Variants in NSL1 observed in about 807,000 individuals in gnomAD.
The protein encoded by NSL1 is NSL1 component of MIS12 kinetochore complex.
A neutral mutation model predicts 25.4 loss-of-function variants in NSL1; 11 were observed. That is an observed-to-expected ratio of 0.43 (90% CI 0.27 to 0.72). The LOEUF (loss-of-function observed/expected upper bound fraction) is 0.72. Among genes scored for constraint, NSL1 ranks in the 30% least tolerant of loss-of-function variants. The pLI, the probability that NSL1 is intolerant of heterozygous loss-of-function variation, is 0.19. For missense variants in NSL1, 330 were observed against 342.7 expected (o/e 0.96, Z 0.29); for synonymous variants, 118 against 120.6 (o/e 0.98, Z 0.14).
In NSL1 at chr1:212,731,963, G is replaced by A; in HGVS notation, c.*6445C>T. 1 of 984,178 alleles carries A rather than the reference G, an allele frequency of 1.0e-6. No homozygotes were observed. Among genetic ancestry groups the A allele is most frequent in the Non-Finnish European group, 1.2e-6 (1 of 829,778 alleles). The allele number at this position is 984,178 out of a possible 1,614,324, so 61.0% of individuals were successfully genotyped here. ...TGCTTTAACCAATGTCCATCTAACT[G>A]TTCAGTGCCTGTGCTGTACTAATTG... On this transcript the variant is annotated 3_prime_UTR_variant, in exon 6 of 6. Transcript: ENST00000366977.
intron 2 of NSL1, 52 bp downstream of exon 2, chr1:212,787,507 T>G (rs1571926381): frequency 7.3e-7 from 1 of 1,366,486 alleles, no homozygotes; most frequent in African/African-American, 1.5e-5. Context: ...CAAAACAAAA[T>G]TAGCTGCAAA....
Position 212,776,720 on chromosome 1 carries a change from AAACAACAAC to A in NSL1, c.499+5643_499+5651del, listed in dbSNP as rs563943797. 2.5e-3 allele frequency among the ~76,000 whole-genome samples: 309 copies of A among 122,786 alleles called. 2 individuals are homozygous for A. The highest frequency in any genetic ancestry group is 0.01 in the African/African-American group (284 of 28,326). 80.6% of individuals were successfully genotyped at this position (122,786 alleles called of 152,430 possible). ...GAAAACGGTAAAACAAAACAAAACAAAACAACAACAACAACAACAAAAAAAACCAACAAC... is the reference window on the plus strand; with the variant it reads ...GAAAACGGTAAAACAAAACAAAACAAAACAACAACAAAAAAAACCAACAAC... On this transcript the variant is annotated intron_variant, in intron 4 of 5. Coordinates refer to ENST00000366977, the MANE Select transcript of NSL1 (RefSeq NM_015471.4).
At chr1:212,753,972 T>C (rs1484169161) in intron 4 of NSL1, among the ~76,000 whole-genome samples, 1 of 152,122 alleles carries the variant, frequency 6.6e-6, no homozygotes, top group Admixed American at 6.5e-5. Context: ...GGGGCATGCA[T>C]GTGTGACAGT....
intron 2 of NSL1, 94 bp from the exon 3 acceptor site, chr1:212,784,587 A>G: frequency 1.4e-6 from 1 of 699,760 alleles, no homozygotes; most frequent in Non-Finnish European, 2.1e-6. Context: ...AATTTAGAAA[A>G]CACAAAATAA....
chr1:212,735,425 T>C lies in NSL1; in HGVS notation c.*2983A>G, dbSNP rs1658193790. 1 of 985,368 alleles carries C rather than the reference T, an allele frequency of 1.0e-6. No individual in the cohort carries two copies. The highest frequency in any genetic ancestry group is 1.2e-6 in the Non-Finnish European group (1 of 829,926). The allele number at this position is 985,368 out of a possible 1,614,324, so 61.0% of individuals were successfully genotyped here. A position where few individuals can be genotyped will look rare whatever the true frequency, so the allele number is the denominator to read the frequency against. The stretch of plus-strand genomic sequence containing the variant: ...TCAGCCTTAGAAAAGAAAAAGTACA[T>C]CTTACAAGATGAAATCATACTGTTT... On this transcript the variant is annotated 3_prime_UTR_variant, in exon 6 of 6. Coordinates refer to ENST00000366977, the MANE Select transcript of NSL1 (RefSeq NM_015471.4).
At chr1:212,786,127 GATAGAT>G (rs756918784) in intron 2 of NSL1, among the ~76,000 whole-genome samples, 4 of 149,438 alleles carry the variant, frequency 2.7e-5, no homozygotes, top group East Asian at 2.0e-4. Context: ...TTCCTAGATA[GATAGAT>G]AGAGAGAGAG....
Position 212,730,239 on chromosome 1 carries a change from A to AAG in NSL1, c.*8168_*8169insCT. On this transcript the variant is annotated 3_prime_UTR_variant, in exon 6 of 6. Coordinates refer to ENST00000366977, the MANE Select transcript of NSL1 (RefSeq NM_015471.4). ...CACTCCAGCCTGGGTGACAGTCTCA[A>AAG]AAAAAAAAAAAAAAAAAAAAAAAAA... is the stretch of plus-strand genomic sequence containing the variant. 1.3e-5 allele frequency: 7 copies of AAG among 518,754 alleles called. No individual in the cohort carries two copies. Among genetic ancestry groups the AAG allele is most frequent in the African/African-American group, 1.1e-4 (4 of 35,138 alleles). 32.1% of individuals were successfully genotyped at this position (518,754 alleles called of 1,614,324 possible).
At chr1:212,763,603 A>G (rs955830075) in intron 4 of NSL1, among the ~76,000 whole-genome samples, 19 of 152,246 alleles carry the variant, frequency 1.2e-4, no homozygotes, top group African/African-American at 4.3e-4. Flanking sequence ...CATTCCATAT[A>G]AATGGAAACC....
At position 212,731,622 on chromosome 1, in the gene NSL1, T is replaced by C. The variant is rs570487469; in HGVS notation, c.*6786A>G. 2.6e-5 allele frequency: 26 copies of C among 985,438 alleles called. No individual in the cohort carries two copies. The African/African-American group carries it at 4.2e-4, about 16-fold the overall frequency. 61.0% of individuals were successfully genotyped at this position (985,438 alleles called of 1,614,324 possible). A position where few individuals can be genotyped will look rare whatever the true frequency, so the allele number is the denominator to read the frequency against. On this transcript the variant is annotated 3_prime_UTR_variant, in exon 6 of 6. Coordinates refer to ENST00000366977, the MANE Select transcript of NSL1 (RefSeq NM_015471.4). Reference sequence around the variant, plus strand: ...GGCCCAGTTCCCCCACCTAAGTTCATCCACAGAGTTAATACTTCCCACTTC... The same window carrying C: ...GGCCCAGTTCCCCCACCTAAGTTCACCCACAGAGTTAATACTTCCCACTTC...
intron 4 of NSL1, among the ~76,000 whole-genome samples, chr1:212,750,280 T>C (rs552030947): frequency 2.4e-4 from 36 of 152,112 alleles, no homozygotes; most frequent in Admixed American, 8.5e-4. Flanking sequence ...TGTAAGAAAG[T>C]TGCCTTAATA....
chr1:212,739,647 C>G lies in NSL1; in HGVS notation c.500-46G>C, dbSNP rs148998443. On this transcript the variant is annotated intron_variant, in intron 4 of 5. Coordinates refer to ENST00000366977, the MANE Select transcript of NSL1 (RefSeq NM_015471.4). ...AGTATTTTAGGTTTTTATCTAATAG[C>G]AAATCATAAAAGGCATATAGATACT... 5.2e-4 allele frequency: 820 copies of G among 1,583,224 alleles called. 8 individuals are homozygous for G. The African/African-American group carries it at 9.7e-3, about 19-fold the overall frequency.
intron 4 of NSL1, among the ~76,000 whole-genome samples, chr1:212,762,750 T>A (rs2102455690): frequency 1.3e-5 from 2 of 152,276 alleles, no homozygotes; most frequent in South Asian, 2.1e-4. Context: ...GGATTTAGTC[T>A]ATGTGAAATA....
rs771539152 is a variant in NSL1 at position 212,758,934 on chromosome 1, G to A, written c.500-19333C>T. 3.9e-5 allele frequency among the ~76,000 whole-genome samples: 6 copies of A among 152,164 alleles called. No individual in the cohort carries two copies. In the South Asian group the frequency reaches 1.0e-3, roughly 26 times the overall value. ...ACAGTGTAGTAGTGGCCTAAGGACA[G>A]ACAAAGATCAATGAAACAGAATTGA... On this transcript the variant is annotated intron_variant, in intron 4 of 5. Transcript: ENST00000366977.
At position 212,766,495 on chromosome 1, in the gene NSL1, A is replaced by G. The variant is rs1265188381; in HGVS notation, c.499+15877T>C. Among the ~76,000 whole-genome samples, 7 of 151,998 alleles carry G rather than the reference A, an allele frequency of 4.6e-5. No homozygotes were observed. The East Asian group carries it at 1.2e-3, about 25-fold the overall frequency. ...TGTCTCTACTAAATATACAAAAAAA[A>G]TTAGCCAGGCATGGTGGCAGGCGCC... On this transcript the variant is annotated intron_variant, in intron 4 of 5. Transcript: ENST00000366977.
At chr1:212,757,621 G>A (rs940643113) in intron 4 of NSL1, among the ~76,000 whole-genome samples, 4 of 152,148 alleles carry the variant, frequency 2.6e-5, no homozygotes, top group Non-Finnish European at 5.9e-5. Flanking sequence ...GGATGTGGAT[G>A]TGGGGAGGTG....
At chr1:212,753,179 C>T (rs945891256) in intron 4 of NSL1, among the ~76,000 whole-genome samples, 1 of 152,214 alleles carries the variant, frequency 6.6e-6, no homozygotes, top group Non-Finnish European at 1.5e-5. Context: ...CACCTTCCCA[C>T]CTACACCTCA....
rs1184599563 is a variant in NSL1 at position 212,729,052 on chromosome 1, G to C, written c.*9356C>G. The C allele has an allele frequency of 2.0e-6, 2 of 985,394 alleles. No individual in the cohort carries two copies. Among genetic ancestry groups the C allele is most frequent in the African/African-American group, 3.5e-5 (2 of 57,348 alleles). 61.0% of individuals were successfully genotyped at this position (985,394 alleles called of 1,614,324 possible). A position where few individuals can be genotyped will look rare whatever the true frequency, so the allele number is the denominator to read the frequency against. Reference sequence around the variant, plus strand: ...TTTTTTTTAAAGGAAGAATACTTGGGTTGGGCTTACAAGAAAAATAAATTG... The same window carrying C: ...TTTTTTTTAAAGGAAGAATACTTGGCTTGGGCTTACAAGAAAAATAAATTG... On this transcript the variant is annotated 3_prime_UTR_variant, in exon 6 of 6. Transcript: ENST00000366977.
chr1:212,779,530 G>A (rs1418868294), intron 4 of NSL1, among the ~76,000 whole-genome samples: 3 of 105,014 alleles, frequency 2.9e-5, no homozygotes, highest in East Asian at 3.2e-4. Context: ...CCCCCGCCCA[G>A]CCAGCCGCCC....
chr1:212,776,902 CAAAT>C (rs1264966730), intron 4 of NSL1, among the ~76,000 whole-genome samples: 9 of 151,622 alleles, frequency 5.9e-5, no homozygotes, highest in East Asian at 1.9e-4. Flanking sequence ...ATAAGACAAA[CAAAT>C]GAATTAAGTG....
Sources: allele counts gnomAD v4.1 joint callset (sites outside exome capture counted in the v4.1 genomes callset), GRCh38; gene constraint gnomAD v4.1.1; transcripts MANE v1.5; gene names NCBI Gene and HGNC (gene_info 2026-07-23, HGNC 2026-07-21).